The following NPIPB4 variants were observed in gnomAD, a reference collection of about 807,000 sequenced individuals.
NPIPB4 encodes nuclear pore complex interacting protein family member B4, also known as nuclear pore complex-interacting protein family member B4.
For synonymous variants in NPIPB4, 31 were observed against 194.1 expected (o/e 0.16, Z 6.99); for missense variants, 105 against 513.7 (o/e 0.20, Z 7.69).
At position 21,837,289 on chromosome 16, in the gene NPIPB4, G is replaced by T; in HGVS notation, c.1098C>A (p.Leu366=). 1 of 1,239,886 alleles carries T rather than the reference G, an allele frequency of 8.1e-7. No individual in the cohort carries two copies. 76.8% of individuals were successfully genotyped at this position (1,239,886 alleles called of 1,614,324 possible). A position where few individuals can be genotyped will look rare whatever the true frequency, so the allele number is the denominator to read the frequency against. ...GGAGCAGACACTCGGCACGTGTCTT[G>T]AGATTATCATCCGCTGAGGGTGGAG... ...PSAPPSADDN[L]KTRAECLLHP... Residue 366 remains leucine, a synonymous_variant, in exon 8 of 8, where the codon CTC becomes CTA. Coordinates refer to ENST00000682606, the MANE Select transcript of NPIPB4 (RefSeq NM_001384980.1).
chr16:21,843,189 G>A lies in NPIPB4; in HGVS notation c.545+197C>T, dbSNP rs1369913356. ...CAGTACTAGCAACTCCTCTTCCTCC[G>A]AAAAAATGAAAACAAGAATGTAGGA... On this transcript the variant is annotated intron_variant, in intron 5 of 7. Coordinates refer to ENST00000682606, the MANE Select transcript of NPIPB4 (RefSeq NM_001384980.1). Among the ~76,000 whole-genome samples the A allele has an allele frequency of 1.0e-4, 13 of 127,792 alleles. No individual in the cohort carries two copies. In the South Asian group the frequency reaches 2.9e-3, roughly 28 times the overall value. 83.8% of individuals were successfully genotyped at this position (127,792 alleles called of 152,430 possible). A position where few individuals can be genotyped will look rare whatever the true frequency, so the allele number is the denominator to read the frequency against.
At chr16:21,841,890 A>C (rs915912153) in intron 5 of NPIPB4, among the ~76,000 whole-genome samples, 1 of 151,394 alleles carries the variant, frequency 6.6e-6, no homozygotes, top group Non-Finnish European at 1.5e-5. Flanking sequence ...AGGGTCTGCC[A>C]ATGAAAGCGA....
At chr16:21,850,183 C>T (rs1341027682) in intron 2 of NPIPB4, among the ~76,000 whole-genome samples, 5 of 137,110 alleles carry the variant, frequency 3.6e-5, no homozygotes, top group East Asian at 4.3e-4. Flanking sequence ...ATCGCTCGAA[C>T]CTGGGAAGCA....
intron 3 of NPIPB4, among the ~76,000 whole-genome samples, chr16:21,847,152 GT>G (rs1902141438): frequency 3.2e-5 from 1 of 31,084 alleles, no homozygotes; most frequent in Non-Finnish European, 7.1e-5. Flanking sequence ...TACTCCATTT[GT>G]GATAAATAGC....
chr16:21,850,275 A>C (rs1290861611), intron 2 of NPIPB4, among the ~76,000 whole-genome samples: 3 of 148,802 alleles, frequency 2.0e-5, no homozygotes, highest in African/African-American at 4.9e-5. Flanking sequence ...AAATAAATAA[A>C]TAAATAAAAT....
chr16:21,850,217 C>T (rs1370197138), intron 2 of NPIPB4, among the ~76,000 whole-genome samples: 3 of 142,410 alleles, frequency 2.1e-5, no homozygotes, highest in Admixed American at 1.4e-4. Flanking sequence ...GCTGATATTG[C>T]CCCATTGCAC....
At chr16:21,850,505 C>T (rs1389345709) in intron 2 of NPIPB4, among the ~76,000 whole-genome samples, 2 of 151,776 alleles carry the variant, frequency 1.3e-5, no homozygotes, top group Non-Finnish European at 2.9e-5. Flanking sequence ...AAAAATTAGC[C>T]AGGCGTGGTG....
At position 21,834,833 on chromosome 16, in the gene NPIPB4, GGT is replaced by G. The variant is rs2141838571; in HGVS notation, c.3552_3553del (p.Pro1185ArgfsTer9). 2 of 67,456 alleles carry G rather than the reference GGT, an allele frequency of 3.0e-5. No homozygotes were observed. The highest frequency in any genetic ancestry group is 1.2e-4 in the South Asian group (1 of 8,278). The allele number at this position is 67,456 out of a possible 1,614,324, so 4.2% of individuals were successfully genotyped here. On this transcript the variant is annotated frameshift_variant, in exon 8 of 8. Coordinates refer to ENST00000682606, the MANE Select transcript of NPIPB4 (RefSeq NM_001384980.1). LOFTEE classifies it high-confidence loss of function. The stretch of plus-strand genomic sequence containing the variant: ...ACCGACCCTCCGCCTCTTGGGTTCG[GGT>G]GATGATGGTTCCACGTCAGCGGCCC...
rs761196332 is a variant in NPIPB4, at chr16:21,837,437, T to A, written c.950A>T (p.Asp317Val). ...CVLTPLPPSADDNLKTPPECL... is the reference protein window; with the variant it reads ...CVLTPLPPSAVDNLKTPPECL... ...CTCAGGAGGTGTCTTGAGATTATCATCCGCTGAGGGTGGAAGGGGAGTGAG... is the reference window on the plus strand; with the variant it reads ...CTCAGGAGGTGTCTTGAGATTATCAACCGCTGAGGGTGGAAGGGGAGTGAG... The change falls in exon 8 of 8, where the codon GAT becomes GTT. Residue 317 changes from aspartate to valine, a missense_variant. Coordinates refer to ENST00000682606, the MANE Select transcript of NPIPB4 (RefSeq NM_001384980.1). 5.5e-6 allele frequency: 8 copies of A among 1,455,270 alleles called. 2 individuals carry two copies. The Middle Eastern group carries it at 1.8e-3, about 330-fold the overall frequency. The allele number at this position is 1,455,270 out of a possible 1,614,324, so 90.1% of individuals were successfully genotyped here.
Position 21,836,589 on chromosome 16 carries a change from C to T in NPIPB4, c.1798G>A (p.Glu600Lys), listed in dbSNP as rs200137772. 3.3e-4 allele frequency: 172 copies of T among 521,898 alleles called. 2 individuals are homozygous for T. Among genetic ancestry groups the T allele is most frequent in the Admixed American group, 3.5e-4 (8 of 22,900 alleles). 32.3% of individuals were successfully genotyped at this position (521,898 alleles called of 1,614,324 possible). The part of the protein sequence containing the change: ...SADDNLKTPS[E>K]RQLTPLPPSA... ...GGTGGAAGGGGAGTGAGCTGACGCT[C>T]GGAAGGTGTCTTGAGATTATCATCC... Residue 600 changes from glutamate (E) to lysine (K), a missense_variant, in exon 8 of 8, where the codon GAG (glutamate) becomes AAG (lysine). Coordinates refer to ENST00000682606, the MANE Select transcript of NPIPB4 (RefSeq NM_001384980.1).
At chr16:21,847,339 AT>A (rs1214843274) in intron 3 of NPIPB4, 73 bp downstream of exon 3, 72 of 1,070,442 alleles carry the variant, frequency 6.7e-5, no homozygotes, top group Non-Finnish European at 8.9e-5. Flanking sequence ...AAGTCCAGAA[AT>A]GTGAATTGTT....
intron 2 of NPIPB4, among the ~76,000 whole-genome samples, chr16:21,850,662 A>T (rs1597919255): frequency 9.6e-5 from 2 of 20,922 alleles, no homozygotes; most frequent in Non-Finnish European, 1.7e-4. Flanking sequence ...ACAGAGTGAG[A>T]CTCTGTCTAA....
intron 5 of NPIPB4, chr16:21,841,082 AAGTC>A (rs2141849716): frequency 6.9e-6 from 1 of 145,260 alleles, no homozygotes; most frequent in Non-Finnish European, 1.5e-5. Flanking sequence ...AATGGCTCCT[AAGTC>A]AGGGTGTTAT....
intron 2 of NPIPB4, among the ~76,000 whole-genome samples, chr16:21,850,552 A>T (rs1331931786): frequency 1.3e-5 from 2 of 149,694 alleles, no homozygotes; most frequent in East Asian, 3.9e-4. Flanking sequence ...AGGCGTTGTA[A>T]TCTGAGCTAC....
chr16:21,849,769 AATG>A (rs1902327037), intron 2 of NPIPB4, among the ~76,000 whole-genome samples: 2 of 4,766 alleles, frequency 4.2e-4, no homozygotes, highest in African/African-American at 1.1e-3. Context: ...CTGAAATGGA[AATG>A]ATGAAGTTAG....
At chr16:21,840,200 CA>C (rs1901646327) in intron 5 of NPIPB4, among the ~76,000 whole-genome samples, 1 of 20,652 alleles carries the variant, frequency 4.8e-5, no homozygotes. Context: ...CGCTCTCTCT[CA>C]CGATATGTCT....
intron 5 of NPIPB4, among the ~76,000 whole-genome samples, chr16:21,841,995 G>A (rs1466622133): frequency 6.6e-6 from 1 of 151,642 alleles, no homozygotes; most frequent in African/African-American, 2.4e-5. Context: ...TGTAGGGACT[G>A]AGCCTGCACC....
At chr16:21,841,998 C>A (rs1333925932) in intron 5 of NPIPB4, among the ~76,000 whole-genome samples, 1 of 151,600 alleles carries the variant, frequency 6.6e-6, no homozygotes, top group Non-Finnish European at 1.5e-5. Flanking sequence ...AGGGACTGAG[C>A]CTGCACCGAC....
chr16:21,839,940 C>T, intron 5 of NPIPB4: 1 of 4,708 alleles, frequency 2.1e-4, no homozygotes, highest in South Asian at 2.2e-3. Flanking sequence ...ATATCCTTAC[C>T]GTGTTTCACA....
Sources: gnomAD v4.1 joint callset for allele counts (sites outside exome capture counted in the v4.1 genomes callset) on GRCh38, gnomAD v4.1.1 for gene constraint, MANE v1.5 for transcripts, NCBI Gene and HGNC (gene_info 2026-07-23, HGNC 2026-07-21) for gene names.